The following EPB41 variants were observed in gnomAD, a reference collection of about 807,000 sequenced individuals.
EPB41 encodes the protein erythrocyte membrane protein band 4.1.
In EPB41, 65 loss-of-function variants were observed where a neutral mutation model predicts 108.0. That is an observed-to-expected ratio of 0.60 (90% CI 0.49 to 0.74). The LOEUF (loss-of-function observed/expected upper bound fraction) is 0.74. Among genes scored for constraint, EPB41 ranks in the 30% least tolerant of loss-of-function variants. EPB41 has a pLI of 0.00. For synonymous variants in EPB41, 336 were observed against 358.9 expected (o/e 0.94, Z 0.72); for missense variants, 875 against 1,037.0 (o/e 0.84, Z 2.15).
At chr1:28,941,218 C>A (rs985250536) in intron 1 of EPB41, among the ~76,000 whole-genome samples, 49 of 147,868 alleles carry the variant, frequency 3.3e-4, no homozygotes, top group Middle Eastern at 6.9e-3. Flanking sequence ...AAAAAAAAAA[C>A]AAAACAAACA....
At chr1:29,030,358 A>C in intron 7 of EPB41, 42 bp from the exon 8 acceptor site, 2 of 1,447,172 alleles carry the variant, frequency 1.4e-6, no homozygotes, top group Non-Finnish European at 1.9e-6. Flanking sequence ...AAATGATGAC[A>C]CTATAACACT....
At chr1:29,087,966 C>G (rs1049121553) in intron 16 of EPB41, among the ~76,000 whole-genome samples, 4 of 151,676 alleles carry the variant, frequency 2.6e-5, no homozygotes, top group African/African-American at 9.7e-5. Context: ...TTAAAACCAA[C>G]TAGATATCAT....
At position 28,926,711 on chromosome 1, in the gene EPB41, C is replaced by A. The variant is rs139451031; in HGVS notation, c.-8+11943C>A. On this transcript the variant is annotated intron_variant, in intron 1 of 20. Coordinates refer to ENST00000343067, the MANE Select transcript of EPB41 (RefSeq NM_001376013.1). ...TTGTAGTGTGCCTGTCAGAGGTACT[C>A]AATAAATGTTAGTTCCCTTTTCCCT... 2.2e-3 allele frequency among the ~76,000 whole-genome samples: 334 copies of A among 152,306 alleles called. 2 individuals are homozygous for A. Among genetic ancestry groups the A allele is most frequent in the African/African-American group, 7.3e-3 (305 of 41,564 alleles).
intron 4 of EPB41, among the ~76,000 whole-genome samples, chr1:29,008,360 T>C (rs748896767): frequency 6.6e-6 from 1 of 152,238 alleles, no homozygotes; most frequent in Non-Finnish European, 1.5e-5. Context: ...GAATACTGGC[T>C]GTGTGCTTTT....
At chr1:28,934,666 T>TGTGTGTGTGTG (rs150713423) in intron 1 of EPB41, among the ~76,000 whole-genome samples, 1 of 136,308 alleles carries the variant, frequency 7.3e-6, no homozygotes, top group Non-Finnish European at 1.5e-5. Context: ...TCTTTTGACA[T>TGTGTGTGTGTG]TGTGTGTGTG....
chr1:28,962,631 C>G (rs1017346126), intron 1 of EPB41, among the ~76,000 whole-genome samples: 1 of 151,256 alleles, frequency 6.6e-6, no homozygotes, highest in African/African-American at 2.5e-5. Context: ...CTGGATTTGA[C>G]TAGGTTAGAA....
chr1:28,955,514 G>A (rs902007956), intron 1 of EPB41, among the ~76,000 whole-genome samples: 2 of 151,980 alleles, frequency 1.3e-5, no homozygotes, highest in African/African-American at 2.4e-5. Flanking sequence ...GCTAATTTTT[G>A]TATATTTTTT....
chr1:29,040,624 G>A (rs115428225), intron 11 of EPB41, among the ~76,000 whole-genome samples: 3,140 of 152,068 alleles, frequency 0.021, 96 homozygotes, highest in African/African-American at 0.072. Context: ...TGGCAATTAT[G>A]GATAGGAAAC....
intron 1 of EPB41, among the ~76,000 whole-genome samples, chr1:28,936,932 G>A (rs1339583163): frequency 6.6e-6 from 1 of 152,130 alleles, no homozygotes; most frequent in Non-Finnish European, 1.5e-5. Flanking sequence ...ATGTAACTAG[G>A]AGTAGAATTG....
chr1:28,916,377 T>G (rs2092673270), intron 1 of EPB41, among the ~76,000 whole-genome samples: 1 of 152,222 alleles, frequency 6.6e-6, no homozygotes, highest in African/African-American at 2.4e-5. Flanking sequence ...GGCTCACGCC[T>G]GTAATCCCAG....
chr1:29,070,893 C>G (rs1306582157), intron 16 of EPB41: 2 of 316,298 alleles, frequency 6.3e-6, no homozygotes, highest in Admixed American at 5.0e-5. Flanking sequence ...GTAATCTTCC[C>G]AAAAGCTTTA....
intron 11 of EPB41, among the ~76,000 whole-genome samples, chr1:29,044,747 G>A (rs1161991082): frequency 6.6e-6 from 1 of 152,182 alleles, no homozygotes; most frequent in Non-Finnish European, 1.5e-5. Context: ...AGCTACTCAG[G>A]ACGCTGAGGC....
At chr1:29,022,498 G>A (rs1422283634) in intron 7 of EPB41, among the ~76,000 whole-genome samples, 2 of 152,048 alleles carry the variant, frequency 1.3e-5, no homozygotes, top group East Asian at 1.9e-4. Flanking sequence ...CGAGGCAGGC[G>A]GATCACAAGG....
chr1:29,030,943 C>T (rs1369739232), intron 8 of EPB41, among the ~76,000 whole-genome samples: 2 of 151,980 alleles, frequency 1.3e-5, no homozygotes, highest in African/African-American at 4.8e-5. Flanking sequence ...CTGCCTCAGC[C>T]TCCTGAGTAG....
chr1:28,995,530 CCAGCCTGGCGA>C (rs2096149756), intron 3 of EPB41, among the ~76,000 whole-genome samples: 1 of 152,128 alleles, frequency 6.6e-6, no homozygotes, highest in Non-Finnish European at 1.5e-5. Context: ...CCACTGCACT[CCAGCCTGGCGA>C]CAGAGTGAGA....
In EPB41 at chr1:28,929,843, CTTTT is replaced by C. The variant is rs56337991; in HGVS notation, c.-8+15096_-8+15099del. 7.0e-4 allele frequency among the ~76,000 whole-genome samples: 71 copies of C among 101,870 alleles called. 1 individual carries two copies. The Middle Eastern group carries it at 0.024, about 34-fold the overall frequency. The allele number at this position is 101,870 out of a possible 152,430, so 66.8% of individuals were successfully genotyped here. ...GCCACCGCGCCTGGCACTGGGCCTTCTTTTTTTTTTTTTTTTTTTTTTTTAAAGA... is the reference window on the plus strand; with the variant it reads ...GCCACCGCGCCTGGCACTGGGCCTTCTTTTTTTTTTTTTTTTTTTTAAAGA... On this transcript the variant is annotated intron_variant, in intron 1 of 20. Transcript: ENST00000343067.
intron 2 of EPB41, among the ~76,000 whole-genome samples, chr1:28,989,982 C>T (rs1391086766): frequency 2.6e-5 from 4 of 151,962 alleles, no homozygotes; most frequent in African/African-American, 7.2e-5. Context: ...ATCGGCCGGG[C>T]GCAGTGGCTC....
At chr1:29,070,500 A>G in intron 16 of EPB41, 1 of 1,232,158 alleles carries the variant, frequency 8.1e-7, no homozygotes, top group East Asian at 3.2e-5. Flanking sequence ...GAGGATCACA[A>G]GTCTCTCAAA....
intron 1 of EPB41, among the ~76,000 whole-genome samples, chr1:28,973,034 C>G (rs2149328749): frequency 6.6e-6 from 1 of 152,300 alleles, no homozygotes; most frequent in Admixed American, 6.5e-5. Flanking sequence ...TCTAGAGGTG[C>G]TAATTAGTGT....
Sources: gnomAD v4.1 joint callset for allele counts (sites outside exome capture counted in the v4.1 genomes callset) on GRCh38, gnomAD v4.1.1 for gene constraint, MANE v1.5 for transcripts, NCBI Gene and HGNC (gene_info 2026-07-23, HGNC 2026-07-21) for gene names.